The following ZNF516 variants were observed in gnomAD, a reference collection of about 807,000 sequenced individuals.
ZNF516 encodes the protein zinc finger protein 516.
In ZNF516, 19 loss-of-function variants were observed where a neutral mutation model predicts 79.7. The ratio of observed to expected loss-of-function variants is 0.24; its 90% CI spans 0.17 to 0.35. ZNF516 has a LOEUF of 0.35. Among genes scored for constraint, ZNF516 ranks in the 10% least tolerant of loss-of-function variants. The probability of loss-of-function intolerance (pLI) is 1.00; values close to 1 mark genes in which losing one functional copy is unlikely to be tolerated. For synonymous variants in ZNF516, 877 were observed against 739.5 expected, an observed-to-expected ratio of 1.19 and a Z score of -3.02; for missense variants, 1,678 against 1,679.5, an observed-to-expected ratio of 1.00 and a Z score of 0.02.
At chr18:76,422,471 C>T (rs2075521401) in intron 3 of ZNF516, among the ~76,000 whole-genome samples, 1 of 152,216 alleles carries the variant, frequency 6.6e-6, no homozygotes, top group African/African-American at 2.4e-5. Flanking sequence ...GGTCAAAAGA[C>T]AGTTAAAACA....
intron 1 of ZNF516, among the ~76,000 whole-genome samples, chr18:76,489,760 T>TA (rs1915053137): frequency 6.6e-6 from 1 of 152,200 alleles, no homozygotes; most frequent in African/African-American, 2.4e-5. Flanking sequence ...TTCTCAAAGT[T>TA]AAAGTTCTTG....
chr18:76,469,032 C>G (rs909348187), intron 1 of ZNF516, among the ~76,000 whole-genome samples: 3 of 152,136 alleles, frequency 2.0e-5, no homozygotes, highest in Admixed American at 6.5e-5. Flanking sequence ...ACTTCCCAGC[C>G]CGATTTTAAA....
chr18:76,477,353 C>A (rs1914233443), intron 1 of ZNF516, among the ~76,000 whole-genome samples: 1 of 152,198 alleles, frequency 6.6e-6, no homozygotes, highest in Non-Finnish European at 1.5e-5. Context: ...AATAAACTTG[C>A]TGCTCTGAAC....
intron 3 of ZNF516, among the ~76,000 whole-genome samples, chr18:76,384,187 C>T (rs1373895640): frequency 6.6e-6 from 1 of 152,096 alleles, no homozygotes; most frequent in Non-Finnish European, 1.5e-5. Context: ...AATTAAGCGC[C>T]ACCACTGGCA....
chr18:76,466,894 G>A lies in ZNF516; in HGVS notation c.-271-3753C>T, dbSNP rs761372665. On this transcript the variant is annotated intron_variant, in intron 1 of 6. Coordinates refer to ENST00000443185, the MANE Select transcript of ZNF516 (RefSeq NM_014643.4). ...AGTCTATGGTGGTGATGCCACGGGC[G>A]GTGAACGTGGGGAGCAAACATGGGA... Among the ~76,000 whole-genome samples the A allele has an allele frequency of 3.3e-5, 5 of 152,210 alleles. No homozygotes were observed. The East Asian group carries it at 5.8e-4, about 18-fold the overall frequency.
chr18:76,423,698 TC>T (rs2075542486), intron 3 of ZNF516, among the ~76,000 whole-genome samples: 1 of 107,866 alleles, frequency 9.3e-6, no homozygotes. Flanking sequence ...GTGAAAAGGC[TC>T]CCCCGAAACA....
intron 2 of ZNF516, among the ~76,000 whole-genome samples, chr18:76,452,755 G>A (rs1035661359): frequency 3.3e-5 from 5 of 152,184 alleles, no homozygotes; most frequent in East Asian, 1.9e-4. Context: ...GAAGCTGCCC[G>A]TGTGTCCTTT....
At chr18:76,436,998 C>T (rs939141769) in intron 3 of ZNF516, among the ~76,000 whole-genome samples, 3 of 150,810 alleles carry the variant, frequency 2.0e-5, no homozygotes, top group Non-Finnish European at 4.4e-5. Flanking sequence ...GCCCGGGAGG[C>T]GGAGGTTGCA....
At chr18:76,370,802 C>T (rs1418678067) in intron 5 of ZNF516, among the ~76,000 whole-genome samples, 1 of 152,210 alleles carries the variant, frequency 6.6e-6, no homozygotes, top group Non-Finnish European at 1.5e-5. Context: ...ATTCAGACCT[C>T]GCTGCTGAAG....
chr18:76,421,692 T>A (rs1438453420), intron 3 of ZNF516, among the ~76,000 whole-genome samples: 1 of 152,232 alleles, frequency 6.6e-6, no homozygotes, highest in Non-Finnish European at 1.5e-5. Flanking sequence ...ATAAACCTCA[T>A]GTTTCACTAT....
chr18:76,429,183 A>C (rs1417980924), intron 3 of ZNF516, among the ~76,000 whole-genome samples: 1 of 152,232 alleles, frequency 6.6e-6, no homozygotes, highest in Non-Finnish European at 1.5e-5. Flanking sequence ...ACAGGGCATC[A>C]GAAAGAGCTG....
intron 3 of ZNF516, among the ~76,000 whole-genome samples, chr18:76,415,503 G>A (rs1370243523): frequency 1.3e-5 from 2 of 152,168 alleles, no homozygotes; most frequent in African/African-American, 2.4e-5. Flanking sequence ...GATCAAGGGG[G>A]TGCAAAGAGG....
Position 76,441,851 on chromosome 18 carries a change from G to C in ZNF516, c.1204C>G (p.Gln402Glu), listed in dbSNP as rs780445198. The C allele has an allele frequency of 4.4e-6, 7 of 1,577,258 alleles. No homozygotes were observed. The highest frequency in any genetic ancestry group is 6.0e-6 in the Non-Finnish European group (7 of 1,168,534). Residue 402 changes from glutamine to glutamate, a missense_variant, in exon 3 of 7, where the codon CAG becomes GAG. Gln to Glu is a conservative substitution (Grantham distance 29). Coordinates refer to ENST00000443185, the MANE Select transcript of ZNF516 (RefSeq NM_014643.4). ...SAAGDSCPGT[Q>E]AGRRVAELDP... ...AGCTCAGCCACCCGCCGTCCGGCCT[G>C]CGTGCCAGGGCACGAGTCGCCGGCC... is the stretch of plus-strand genomic sequence containing the variant.
chr18:76,386,872 C>G (rs1260739670), intron 3 of ZNF516: 1 of 152,194 alleles, frequency 6.6e-6, no homozygotes, highest in Admixed American at 6.5e-5. Flanking sequence ...TTTCGGCAAC[C>G]ATCATGATGG....
chr18:76,487,125 T>C (rs1914876343), intron 1 of ZNF516, among the ~76,000 whole-genome samples: 1 of 152,242 alleles, frequency 6.6e-6, no homozygotes, highest in African/African-American at 2.4e-5. Flanking sequence ...AAATGCCAGA[T>C]CTTTTTTGGA....
At position 76,359,776 on chromosome 18, in the gene ZNF516, G is replaced by GT. The variant is rs2074504258; in HGVS notation, c.*2721dup. ...GATCGGGAGAGGTAGTAGAAAGTCT[G>GT]TAACAGTCAGAAGACAACGTACAGA... On this transcript the variant is annotated 3_prime_UTR_variant, in exon 7 of 7. Coordinates refer to ENST00000443185, the MANE Select transcript of ZNF516 (RefSeq NM_014643.4). 1 of 152,062 alleles carries GT rather than the reference G, an allele frequency of 6.6e-6. No homozygotes were observed. The highest frequency in any genetic ancestry group is 2.4e-5 in the African/African-American group (1 of 41,412). 9.4% of individuals were successfully genotyped at this position (152,062 alleles called of 1,614,324 possible).
At chr18:76,380,820 C>G (rs149763004) in intron 3 of ZNF516, among the ~76,000 whole-genome samples, 2 of 152,302 alleles carry the variant, frequency 1.3e-5, no homozygotes, top group East Asian at 3.9e-4. Flanking sequence ...TGTCTGCCTC[C>G]GAAACCACTG....
intron 3 of ZNF516, among the ~76,000 whole-genome samples, chr18:76,402,264 C>T (rs1035711945): frequency 4.5e-4 from 68 of 152,198 alleles, no homozygotes; most frequent in African/African-American, 1.3e-3. Context: ...TGGGCTGTCC[C>T]GCGCAGCTGC....
intron 1 of ZNF516, among the ~76,000 whole-genome samples, chr18:76,480,818 G>A (rs905401160): frequency 1.1e-4 from 17 of 152,058 alleles, no homozygotes; most frequent in African/African-American, 3.4e-4. Flanking sequence ...CACCGCACCC[G>A]GCTGGTTTTT....
Sources: allele counts gnomAD v4.1 joint callset (sites outside exome capture counted in the v4.1 genomes callset), GRCh38; gene constraint gnomAD v4.1.1; transcripts MANE v1.5; gene names NCBI Gene and HGNC (gene_info 2026-07-23, HGNC 2026-07-21).